RELN: variants seen among roughly 807,000 people sequenced by gnomAD.
RELN encodes the protein reelin.
Under a neutral mutation model 427.6 loss-of-function variants are expected in RELN, and 108 were observed. That is an observed-to-expected ratio of 0.25 (90% CI 0.22 to 0.30). RELN has a LOEUF of 0.30. Ranked by LOEUF, RELN falls within the 10% of genes least tolerant of loss-of-function variation. The pLI is 1.00. For missense variants in RELN, 3,715 were observed against 4,302.8 expected (o/e 0.86, Z 3.82); for synonymous variants, 1,524 against 1,513.4 (o/e 1.01, Z -0.16).
At chr7:103,697,739 T>A in intron 10 of RELN, 114 bp downstream of exon 10, 1 of 1,451,968 alleles carries the variant, frequency 6.9e-7, no homozygotes, top group Non-Finnish European at 9.5e-7. Flanking sequence ...TATCTGGTCC[T>A]TTAATAGTGG....
At chr7:103,915,872 A>G (rs1039776946) in intron 2 of RELN, among the ~76,000 whole-genome samples, 2 of 152,234 alleles carry the variant, frequency 1.3e-5, no homozygotes, top group Non-Finnish European at 2.9e-5. Flanking sequence ...ACTTATATAC[A>G]TATGACTATG....
intron 40 of RELN, among the ~76,000 whole-genome samples, chr7:103,552,333 T>C (rs1292227141): frequency 1.3e-5 from 2 of 152,144 alleles, no homozygotes; most frequent in Non-Finnish European, 1.5e-5. Context: ...CTTATTGATA[T>C]ACACAGTAAC....
At chr7:103,920,985 A>G (rs1361098676) in intron 1 of RELN, among the ~76,000 whole-genome samples, 1 of 152,236 alleles carries the variant, frequency 6.6e-6, no homozygotes, top group Non-Finnish European at 1.5e-5. Flanking sequence ...TAAGCCAAAT[A>G]GTAAAATGTA....
At chr7:103,673,654 A>G (rs762900036) in intron 11 of RELN, among the ~76,000 whole-genome samples, 12 of 152,126 alleles carry the variant, frequency 7.9e-5, no homozygotes, top group Admixed American at 1.3e-4. Context: ...CTGTGTGTCT[A>G]TAACAGTTTT....
chr7:103,561,977 A>C lies in RELN; in HGVS notation c.5211-24T>G, dbSNP rs57577058. On this transcript the variant is annotated intron_variant, in intron 34 of 64. Transcript: ENST00000428762. ...AACTAACCAAAAAAAAAAAAAAAAAAACACACCACTGGTTTGACAAGCAAC... is the reference window on the plus strand; with the variant it reads ...AACTAACCAAAAAAAAAAAAAAAAACACACACCACTGGTTTGACAAGCAAC... The C allele has an allele frequency of 3.0e-3, 4,587 of 1,532,316 alleles. 103 individuals are homozygous for C. The African/African-American group carries it at 0.057, about 19-fold the overall frequency. 94.9% of individuals were successfully genotyped at this position (1,532,316 alleles called of 1,614,324 possible). A position where few individuals can be genotyped will look rare whatever the true frequency, so the allele number is the denominator to read the frequency against.
intron 10 of RELN, among the ~76,000 whole-genome samples, chr7:103,692,282 G>T (rs990988152): frequency 1.3e-5 from 2 of 152,122 alleles, no homozygotes; most frequent in Admixed American, 6.6e-5. Context: ...TGCATGATCT[G>T]CCTGAGAGAT....
At chr7:103,759,250 TGATAAA>T (rs957444556) in intron 4 of RELN, among the ~76,000 whole-genome samples, 58 of 152,058 alleles carry the variant, frequency 3.8e-4, no homozygotes, top group African/African-American at 1.4e-3. Flanking sequence ...AATGCAGATT[TGATAAA>T]GATAATTATT....
At chr7:103,709,449 A>G (rs757179320) in intron 8 of RELN, among the ~76,000 whole-genome samples, 14 of 152,196 alleles carry the variant, frequency 9.2e-5, no homozygotes, top group Non-Finnish European at 1.5e-5. Context: ...AAACATAATA[A>G]CCATGTTTTT....
At chr7:103,650,668 C>T (rs959990593) in intron 15 of RELN, among the ~76,000 whole-genome samples, 10 of 152,098 alleles carry the variant, frequency 6.6e-5, no homozygotes, top group African/African-American at 2.2e-4. Context: ...CTCTGTTGTC[C>T]AGGCTGGAGT....
chr7:103,781,585 T>C (rs1478817923), intron 3 of RELN, among the ~76,000 whole-genome samples: 1 of 152,194 alleles, frequency 6.6e-6, no homozygotes, highest in African/African-American at 2.4e-5. Context: ...AGTCACCATG[T>C]TGTGCAATAG....
rs561425994 is a variant in RELN, at chr7:103,679,704, T to C, written c.1289+2412A>G. 1.7e-3 allele frequency among the ~76,000 whole-genome samples: 265 copies of C among 152,300 alleles called. 1 individual carries two copies. The highest frequency in any genetic ancestry group is 6.0e-3 in the African/African-American group (250 of 41,560). The stretch of plus-strand genomic sequence containing the variant: ...GCATAAATAGTTTTAGTTCTTTTTT[T>C]TTTGTTTGGGGGAAATGATCGATTT... On this transcript the variant is annotated intron_variant, in intron 11 of 64. Coordinates refer to ENST00000428762, the MANE Select transcript of RELN (RefSeq NM_005045.4).
intron 2 of RELN, among the ~76,000 whole-genome samples, chr7:103,871,558 C>T (rs752888477): frequency 9.2e-5 from 14 of 152,042 alleles, no homozygotes; most frequent in Non-Finnish European, 2.1e-4. Context: ...GACCACTTTG[C>T]CTCAGTGACT....
intron 4 of RELN, among the ~76,000 whole-genome samples, chr7:103,762,321 A>G (rs1014750787): frequency 2.6e-5 from 4 of 152,224 alleles, no homozygotes; most frequent in African/African-American, 9.6e-5. Flanking sequence ...AAACTGGTTT[A>G]TGACTAAGAA....
intron 22 of RELN, among the ~76,000 whole-genome samples, chr7:103,607,839 G>A (rs1309842748): frequency 6.6e-6 from 1 of 152,100 alleles, no homozygotes; most frequent in East Asian, 1.9e-4. Flanking sequence ...TGTTTATGAA[G>A]TCAGCGACTG....
intron 1 of RELN, among the ~76,000 whole-genome samples, chr7:103,933,942 T>C (rs1451030768): frequency 6.6e-6 from 1 of 152,190 alleles, no homozygotes; most frequent in Non-Finnish European, 1.5e-5. Context: ...AAAACACAGA[T>C]ACACACGAAG....
intron 45 of RELN, 122 bp from the exon 46 acceptor site, chr7:103,535,606 A>T (rs1489179876): frequency 2.4e-6 from 2 of 839,936 alleles, no homozygotes; most frequent in Non-Finnish European, 3.8e-6. Flanking sequence ...TTTTCCCTAC[A>T]CTTATATTTC....
intron 1 of RELN, among the ~76,000 whole-genome samples, chr7:103,959,066 C>G (rs1339807007): frequency 6.6e-6 from 1 of 152,028 alleles, no homozygotes; most frequent in Non-Finnish European, 1.5e-5. Flanking sequence ...CCTCAGCCTC[C>G]TGAGTAGTTG....
At chr7:103,838,027 G>A (rs536809617) in intron 2 of RELN, among the ~76,000 whole-genome samples, 66 of 151,866 alleles carry the variant, frequency 4.3e-4, no homozygotes, top group Non-Finnish European at 6.5e-4. Flanking sequence ...GTAACACGGC[G>A]AAACACCGTC....
chr7:103,578,558 T>TC (rs1454476495), intron 28 of RELN, among the ~76,000 whole-genome samples: 1 of 152,178 alleles, frequency 6.6e-6, no homozygotes, highest in Admixed American at 6.5e-5. Context: ...TTGCTTCATT[T>TC]CCATTTCTCC....
Sources: allele counts gnomAD v4.1 joint callset (sites outside exome capture counted in the v4.1 genomes callset), GRCh38; gene constraint gnomAD v4.1.1; transcripts MANE v1.5; gene names NCBI Gene and HGNC (gene_info 2026-07-23, HGNC 2026-07-21).